TWF1: variants seen among roughly 807,000 people sequenced by gnomAD.
TWF1 encodes the protein twinfilin actin binding protein 1, also known as twinfilin-1.
A neutral mutation model predicts 47.9 loss-of-function variants in TWF1; 14 were observed. The ratio of observed to expected loss-of-function variants is 0.29; its 90% CI spans 0.19 to 0.46. The LOEUF is 0.46. Ranked by LOEUF, TWF1 falls within the 20% of genes least tolerant of loss-of-function variation. The probability of loss-of-function intolerance (pLI) is 1.00; values close to 1 mark genes in which losing one functional copy is unlikely to be tolerated. For synonymous variants in TWF1, 96 were observed against 139.2 expected (o/e 0.69, Z 2.18); for missense variants, 281 against 409.3 (o/e 0.69, Z 2.70).
chr12:43,796,903 G>T lies in TWF1; in HGVS notation c.882+73C>A, dbSNP rs1257514677. 4.9e-6 allele frequency: 7 copies of T among 1,414,738 alleles called. No individual in the cohort carries two copies. The African/African-American group carries it at 1.0e-4, about 20-fold the overall frequency. The allele number at this position is 1,414,738 out of a possible 1,614,324, so 87.6% of individuals were successfully genotyped here. A position where few individuals can be genotyped will look rare whatever the true frequency, so the allele number is the denominator to read the frequency against. On this transcript the variant is annotated intron_variant, in intron 8 of 8. Coordinates refer to ENST00000395510, the MANE Select transcript of TWF1 (RefSeq NM_002822.5). ...TAAATATTTTCATTTATAAATCACAGTACATCATAAACTACATAGAAATGA... is the reference window on the plus strand; with the variant it reads ...TAAATATTTTCATTTATAAATCACATTACATCATAAACTACATAGAAATGA...
rs544742868 is a variant in TWF1, at chr12:43,806,271, C to A, written c.-26G>T. On this transcript the variant is annotated 5_prime_UTR_variant, in exon 1 of 9. Coordinates refer to ENST00000395510, the MANE Select transcript of TWF1 (RefSeq NM_002822.5). ...GGCGGCGGCCGCTAGCTCCCGGCTC[C>A]GGCGCTGAGTGCAGCCAGCGGCCCC... 5 of 1,517,752 alleles carry A rather than the reference C, an allele frequency of 3.3e-6. No individual in the cohort carries two copies. Among genetic ancestry groups the A allele is most frequent in the Non-Finnish European group, 4.4e-6 (5 of 1,136,446 alleles). 94.0% of individuals were successfully genotyped at this position (1,517,752 alleles called of 1,614,324 possible). A position where few individuals can be genotyped will look rare whatever the true frequency, so the allele number is the denominator to read the frequency against.
At chr12:43,805,743 T>C (rs1183546256) in intron 1 of TWF1, 1 of 1,285,390 alleles carries the variant, frequency 7.8e-7, no homozygotes, top group African/African-American at 1.5e-5. Context: ...GAAGCACCCC[T>C]ACTGATGTGA....
At chr12:43,804,062 G>A (rs954793268) in intron 2 of TWF1, 10 of 219,478 alleles carry the variant, frequency 4.6e-5, no homozygotes, top group Admixed American at 5.2e-5. Context: ...TCATTTCTGT[G>A]GCAAAGGTTG....
chr12:43,803,800 A>C (rs1240675063), intron 2 of TWF1, among the ~76,000 whole-genome samples: 1 of 152,116 alleles, frequency 6.6e-6, no homozygotes, highest in African/African-American at 2.4e-5. Context: ...ATTTACTTCC[A>C]GTTTGTGAAA....
chr12:43,805,274 A>G (rs1942737809), intron 1 of TWF1, among the ~76,000 whole-genome samples: 1 of 152,264 alleles, frequency 6.6e-6, no homozygotes, highest in Non-Finnish European at 1.5e-5. Flanking sequence ...ATAACTACAT[A>G]TTTATATATC....
chr12:43,802,224 A>C, intron 3 of TWF1, 62 bp downstream of exon 3: 2 of 1,145,754 alleles, frequency 1.7e-6, no homozygotes, highest in Non-Finnish European at 2.4e-6. Flanking sequence ...TATTTGACCT[A>C]GAAATTTCAA....
At chr12:43,805,942 C>T (rs1942756234) in intron 1 of TWF1, 1 of 1,534,058 alleles carries the variant, frequency 6.5e-7, no homozygotes, top group Non-Finnish European at 8.8e-7. Context: ...GAAGGCACGC[C>T]CCCTTCAACC....
chr12:43,803,993 G>T (rs1163223804), intron 2 of TWF1, among the ~76,000 whole-genome samples: 3 of 152,002 alleles, frequency 2.0e-5, no homozygotes, highest in Non-Finnish European at 2.9e-5. Flanking sequence ...TATTTTTAAA[G>T]AATCAATTTG....
chr12:43,797,398 G>A lies in TWF1; in HGVS notation c.664C>T (p.Leu222=). 6.2e-7 allele frequency: 1 copy of A among 1,604,274 alleles called. No homozygotes were observed. Among genetic ancestry groups the A allele is most frequent in the Non-Finnish European group, 8.5e-7 (1 of 1,175,724 alleles). ...GGAATCCTCTTTGGCAAATCTTTCA[G>A]TTCTGTATTTGTTGTGTTGGCCAAA... ...IILANTTNTE[L]KDLPKRIPKD... Residue 222 remains leucine, a synonymous_variant, in exon 7 of 9, where the codon CTG becomes TTG. Coordinates refer to ENST00000395510, the MANE Select transcript of TWF1 (RefSeq NM_002822.5).
chr12:43,802,707 T>A (rs1177266455), intron 2 of TWF1, among the ~76,000 whole-genome samples: 2 of 152,064 alleles, frequency 1.3e-5, no homozygotes, highest in East Asian at 1.9e-4. Context: ...AAGAAACATA[T>A]AAAAATGATC....
At chr12:43,798,971 T>A (rs757244300) in intron 5 of TWF1, among the ~76,000 whole-genome samples, 1 of 152,086 alleles carries the variant, frequency 6.6e-6, no homozygotes, top group Non-Finnish European at 1.5e-5. Flanking sequence ...TCCATATATA[T>A]CTCTATTCAA....
At chr12:43,805,637 T>C (rs1223717896) in intron 1 of TWF1, 4 of 535,630 alleles carry the variant, frequency 7.5e-6, no homozygotes, top group Non-Finnish European at 1.3e-5. Context: ...TTGGGGAGTA[T>C]CTAGGAAAAA....
At chr12:43,804,267 G>A (rs1371989287) in intron 2 of TWF1, 2 of 525,944 alleles carry the variant, frequency 3.8e-6, no homozygotes, top group Admixed American at 2.6e-5. Flanking sequence ...AAAAGAGGAA[G>A]AAGTCACATC....
rs1640086112 is a variant in TWF1, at chr12:43,800,533, A to G, written c.283-3T>C. ...GCATACAACATTTTTTGACGAACCT[A>G]TTCAGTTGTGAAAGTTTACTTAGTT... On this transcript the variant is annotated splice_region_variant and splice_polypyrimidine_tract_variant and intron_variant, in intron 3 of 8. Coordinates refer to ENST00000395510, the MANE Select transcript of TWF1 (RefSeq NM_002822.5). 1 of 1,611,242 alleles carries G rather than the reference A, an allele frequency of 6.2e-7. No individual in the cohort carries two copies. Among genetic ancestry groups the G allele is most frequent in the African/African-American group, 1.3e-5 (1 of 74,834 alleles).
At chr12:43,805,284 C>T (rs1457511412) in intron 1 of TWF1, among the ~76,000 whole-genome samples, 1 of 152,166 alleles carries the variant, frequency 6.6e-6, no homozygotes, top group African/African-American at 2.4e-5. Flanking sequence ...ATTTATATAT[C>T]GAAATTAATG....
chr12:43,806,147 G>T (rs1180511899), intron 1 of TWF1, 74 bp downstream of exon 1: 6 of 1,531,772 alleles, frequency 3.9e-6, no homozygotes, highest in Non-Finnish European at 3.5e-6. Context: ...CAGCCCTGCC[G>T]GTCCTGCAGC....
At chr12:43,805,232 G>A (rs1160438585) in intron 1 of TWF1, among the ~76,000 whole-genome samples, 1 of 152,200 alleles carries the variant, frequency 6.6e-6, no homozygotes, top group African/African-American at 2.4e-5. Context: ...TAAGTAGGTA[G>A]TGCTTGCTAT....
intron 1 of TWF1, 41 bp downstream of exon 1, chr12:43,806,180 C>A (rs1383054741): frequency 1.8e-5 from 27 of 1,538,560 alleles, no homozygotes; most frequent in Non-Finnish European, 2.3e-5. Context: ...CCCGGCTCTC[C>A]CGGAAGCCCC....
rs1321416047 is a variant in TWF1, at chr12:43,796,922, G to T, written c.882+54C>A. The T allele has an allele frequency of 9.0e-6, 14 of 1,548,760 alleles. No homozygotes were observed. In the East Asian group the frequency reaches 2.9e-4, roughly 32 times the overall value. ...ATCACAGTACATCATAAACTACATAGAAATGAAAAGAAAAATTTAGCAAAA... is the reference window on the plus strand; with the variant it reads ...ATCACAGTACATCATAAACTACATATAAATGAAAAGAAAAATTTAGCAAAA... On this transcript the variant is annotated intron_variant, in intron 8 of 8. Coordinates refer to ENST00000395510, the MANE Select transcript of TWF1 (RefSeq NM_002822.5).
Sources: allele counts gnomAD v4.1 joint callset (sites outside exome capture counted in the v4.1 genomes callset), GRCh38; gene constraint gnomAD v4.1.1; transcripts MANE v1.5; gene names NCBI Gene and HGNC (gene_info 2026-07-23, HGNC 2026-07-21).